Variants in ITGB4 observed in about 807,000 individuals in gnomAD.
ITGB4 encodes the protein integrin subunit beta 4, also known as integrin beta-4.
Under a neutral mutation model 207.6 loss-of-function variants are expected in ITGB4, and 159 were observed. The ratio of observed to expected loss-of-function variants is 0.77; its 90% confidence interval spans 0.67 to 0.87. The LOEUF (loss-of-function observed/expected upper bound fraction) is 0.87, where lower values mean the gene tolerates loss of function less well. ITGB4 is among the 40% of genes least tolerant of loss of function. The pLI is 0.00. For missense variants in ITGB4, 2,278 were observed against 2,546.8 expected (o/e 0.89, Z 2.27); for synonymous variants, 1,020 against 1,062.7 (o/e 0.96, Z 0.78).
chr17:75,740,709 C>A lies in ITGB4; in HGVS notation c.2551-84C>A. The A allele has an allele frequency of 1.4e-6, 2 of 1,461,012 alleles. No homozygotes were observed. Among genetic ancestry groups the A allele is most frequent in the Non-Finnish European group, 1.9e-6 (2 of 1,043,790 alleles). 90.5% of individuals were successfully genotyped at this position (1,461,012 alleles called of 1,614,324 possible). ...CCCTGAGGATCTCTGGGTACAGAGG[C>A]TGCCTGGCTCCCTGGGTCCCCAGCC... is the stretch of plus-strand genomic sequence containing the variant. On this transcript the variant is annotated intron_variant, in intron 21 of 39. Transcript: ENST00000200181. This position sits in a 1 kb window ranked among gnomAD's most constrained non-coding sequence, Gnocchi z 5.9.
chr17:75,725,878 G>A (rs1244302772), intron 2 of ITGB4, among the ~76,000 whole-genome samples: 1 of 152,244 alleles, frequency 6.6e-6, no homozygotes, highest in Admixed American at 6.5e-5. Flanking sequence ...ATGTGGCAGT[G>A]GTCTCGCCGT....
intron 18 of ITGB4, among the ~76,000 whole-genome samples, chr17:75,738,351 C>T (rs1020547040): frequency 1.3e-5 from 2 of 152,182 alleles, no homozygotes; most frequent in Admixed American, 6.5e-5. Flanking sequence ...CTCAGTGTTC[C>T]TCTTTGTGCT....
chr17:75,752,333 C>T lies in ITGB4; in HGVS notation c.3953C>T (p.Thr1318Ile), dbSNP rs1358940335. 4.3e-6 allele frequency: 7 copies of T among 1,612,696 alleles called. No homozygotes were observed. Among genetic ancestry groups the T allele is most frequent in the Non-Finnish European group, 5.9e-6 (7 of 1,179,812 alleles). Residue 1318 changes from threonine to isoleucine, a missense_variant, in exon 31 of 40, where the codon ACC becomes ATC. Thr to Ile is a moderately conservative substitution (Grantham distance 89, BLOSUM62 -1). Transcript: ENST00000200181. ...CGGGAGGCCATCATCAACCTGGCCA[C>T]CCAGCCCAAGAGGCCCATGTCCAGT... Reference protein sequence around the residue: ...PEREAIINLATQPKRPMSIPI... With the variant: ...PEREAIINLAIQPKRPMSIPI...
intron 33 of ITGB4, 25 bp from the exon 34 acceptor site, chr17:75,754,551 A>G (rs777015622): frequency 6.2e-7 from 1 of 1,612,996 alleles, no homozygotes; most frequent in Non-Finnish European, 8.5e-7. Flanking sequence ...AGGCCTGACC[A>G]AGGGACCCTG....
At chr17:75,736,726 G>A (rs371191346) in intron 16 of ITGB4, 32 bp downstream of exon 16, 46 of 1,580,714 alleles carry the variant, frequency 2.9e-5, no homozygotes, top group Non-Finnish European at 3.8e-5. Context: ...TGGGGTTGCT[G>A]AGAGCCTAGG....
rs1396817390 is a variant in ITGB4, at chr17:75,740,549, C to T, written c.2550+88C>T. Reference sequence around the variant, plus strand: ...GGCAGAGCGAATGCGGTCGTGGTACCGAGATTCATTAACTAGGGGAGAGGG... The same window carrying T: ...GGCAGAGCGAATGCGGTCGTGGTACTGAGATTCATTAACTAGGGGAGAGGG... On this transcript the variant is annotated intron_variant, in intron 21 of 39. Transcript: ENST00000200181. The surrounding 1 kb of genome is among the most constrained non-coding windows in gnomAD (Gnocchi z 5.9). The T allele has an allele frequency of 5.3e-5, 62 of 1,162,458 alleles. No individual in the cohort carries two copies. Among genetic ancestry groups the T allele is most frequent in the Admixed American group, 7.4e-5 (4 of 54,244 alleles). 72.0% of individuals were successfully genotyped at this position (1,162,458 alleles called of 1,614,324 possible).
chr17:75,738,242 G>A (rs2061026433), intron 18 of ITGB4, among the ~76,000 whole-genome samples: 1 of 150,220 alleles, frequency 6.7e-6, no homozygotes, highest in African/African-American at 2.5e-5. Context: ...AGCTTCCGGA[G>A]TGACAGTAAT....
In ITGB4 at chr17:75,727,644, G is replaced by A. The variant is rs769490746; in HGVS notation, c.265-7G>A. 7 of 1,600,448 alleles carry A rather than the reference G, an allele frequency of 4.4e-6. No individual in the cohort carries two copies. Among genetic ancestry groups the A allele is most frequent in the South Asian group, 2.2e-5 (2 of 89,610 alleles). On this transcript the variant is annotated splice_polypyrimidine_tract_variant and splice_region_variant and intron_variant, in intron 4 of 39. Transcript: ENST00000200181. This position sits in a 1 kb window ranked among gnomAD's most constrained non-coding sequence, Gnocchi z 6.0. ...TCTAGCCAGCTGTCCCCTTCCACTGGCTGCAGGAGACCCAGATTGACACCA... is the reference window on the plus strand; with the variant it reads ...TCTAGCCAGCTGTCCCCTTCCACTGACTGCAGGAGACCCAGATTGACACCA...
rs139146525 is a variant in ITGB4, at chr17:75,743,807, C to T, written c.3057C>T (p.Gly1019=). The T allele has an allele frequency of 1.3e-4, 214 of 1,611,618 alleles. 1 individual carries two copies. The highest frequency in any genetic ancestry group is 4.5e-4 in the Admixed American group (27 of 59,730). The stretch of plus-strand genomic sequence containing the variant: ...CTGTCATCCGGCGTGTCCTGGACGG[C>T]GGGAAGTCCCAGGTCTCCTACCGCA... ...RIPVIRRVLD[G]GKSQVSYRTQ... is the part of the protein sequence containing the mutation. The change falls in exon 26 of 40, where the codon GGC becomes GGT. Residue 1019 remains glycine, a synonymous_variant. Coordinates refer to ENST00000200181, the MANE Select transcript of ITGB4 (RefSeq NM_000213.5).
intron 13 of ITGB4, among the ~76,000 whole-genome samples, 155 bp downstream of exon 13, chr17:75,733,847 CT>C (rs1421008070): frequency 6.6e-6 from 1 of 152,230 alleles, no homozygotes; most frequent in African/African-American, 2.4e-5. Context: ...AGGGCCGCCC[CT>C]GAGTCCTGCC....
chr17:75,725,065 G>A (rs559283968), intron 2 of ITGB4, among the ~76,000 whole-genome samples: 1 of 152,304 alleles, frequency 6.6e-6, no homozygotes, highest in East Asian at 1.9e-4. Context: ...ATGCACTGAG[G>A]CCCCAGAGGT....
rs758783905 is a variant in ITGB4 at position 75,730,348 on chromosome 17, C to T, written c.846C>T (p.Ser282=). The T allele has an allele frequency of 3.1e-6, 5 of 1,613,734 alleles. No individual in the cohort carries two copies. The African/African-American group carries it at 6.7e-5, about 22-fold the overall frequency. Residue 282 remains serine, a synonymous_variant, in exon 8 of 40, where the codon AGC becomes AGT. Coordinates refer to ENST00000200181, the MANE Select transcript of ITGB4 (RefSeq NM_000213.5). ...DGANVLAGIM[S]RNDERCHLDT... is the part of the protein sequence containing the mutation. ...CCAACGTGCTGGCTGGCATCATGAGCCGCAACGATGAACGGTGCCACCTGG... is the reference window on the plus strand; with the variant it reads ...CCAACGTGCTGGCTGGCATCATGAGTCGCAACGATGAACGGTGCCACCTGG...
rs541620849 is a variant in ITGB4, at chr17:75,730,151, T to G, written c.739-90T>G. On this transcript the variant is annotated intron_variant, in intron 7 of 39. Coordinates refer to ENST00000200181, the MANE Select transcript of ITGB4 (RefSeq NM_000213.5). The stretch of plus-strand genomic sequence containing the variant: ...CAGTGGCTTAAGCCCAGCCCCATGT[T>G]GGGACCCGCGTTCCCCGTCCTACAC... 4.3e-5 allele frequency: 68 copies of G among 1,565,448 alleles called. 1 individual carries two copies. The African/African-American group carries it at 8.6e-4, about 20-fold the overall frequency.
At position 75,757,292 on chromosome 17, in the gene ITGB4, A is replaced by G. The variant is rs774753281; in HGVS notation, c.5311A>G (p.Thr1771Ala). 1 of 1,612,020 alleles carries G rather than the reference A, an allele frequency of 6.2e-7. No homozygotes were observed. The highest frequency in any genetic ancestry group is 2.2e-5 in the East Asian group (1 of 44,870). Residue 1771 changes from threonine to alanine, a missense_variant, in exon 39 of 40, where the codon ACC becomes GCC. Transcript: ENST00000200181. ...CATCACCACCACCCACACCAGCGCC[A>G]CCGAGCCCTTCCTAGTGGGTGAGCA... ...SSITTTHTSA[T>A]EPFLVDGLTL... is the part of the protein sequence containing the mutation.
intron 30 of ITGB4, 67 bp from the exon 31 acceptor site, chr17:75,752,107 T>G (rs2061379821): frequency 1.3e-6 from 2 of 1,528,290 alleles, no homozygotes; most frequent in Non-Finnish European, 1.8e-6. Context: ...CGTCCTGCTG[T>G]GTCAGGGGTG....
In ITGB4 at chr17:75,737,241, A is replaced by AG; in HGVS notation, c.1991-77dup. On this transcript the variant is annotated intron_variant, in intron 16 of 39. Coordinates refer to ENST00000200181, the MANE Select transcript of ITGB4 (RefSeq NM_000213.5). ...CCGTGGGTGAGGCAGATCGCAGAGT[A>AG]GGGGCCCCCTCACCAGACCCTGGGT... 5 of 1,527,974 alleles carry AG rather than the reference A, an allele frequency of 3.3e-6. No homozygotes were observed. The South Asian group carries it at 6.0e-5, about 18-fold the overall frequency. 94.7% of individuals were successfully genotyped at this position (1,527,974 alleles called of 1,614,324 possible).
In ITGB4 at chr17:75,750,049, T is replaced by C. The variant is rs564541709; in HGVS notation, c.3317-62T>C. On this transcript the variant is annotated intron_variant, in intron 27 of 39. Coordinates refer to ENST00000200181, the MANE Select transcript of ITGB4 (RefSeq NM_000213.5). This position sits in a 1 kb window ranked among gnomAD's most constrained non-coding sequence, Gnocchi z 5.5. ...CGCCCTGGGTGTTGAAGTGGGTCTCTGGCGCCCCCTGGTGGTGAAGGGGGA... is the reference window on the plus strand; with the variant it reads ...CGCCCTGGGTGTTGAAGTGGGTCTCCGGCGCCCCCTGGTGGTGAAGGGGGA... 1.5e-4 allele frequency: 233 copies of C among 1,605,302 alleles called. No individual in the cohort carries two copies. Among genetic ancestry groups the C allele is most frequent in the Admixed American group, 1.4e-3 (83 of 59,996 alleles).
In ITGB4 at chr17:75,757,741, A is replaced by G. The variant is rs2061555084; in HGVS notation, c.*186A>G. ...GTCCGTCCTCTGTGGGCCCAAACCTATTTGTAACCAAAGAGCTGGGAGCAG... is the reference window on the plus strand; with the variant it reads ...GTCCGTCCTCTGTGGGCCCAAACCTGTTTGTAACCAAAGAGCTGGGAGCAG... On this transcript the variant is annotated 3_prime_UTR_variant, in exon 40 of 40. Transcript: ENST00000200181. 2.6e-6 allele frequency: 2 copies of G among 773,672 alleles called. No individual in the cohort carries two copies. Among genetic ancestry groups the G allele is most frequent in the East Asian group, 5.4e-5 (2 of 37,376 alleles). The allele number at this position is 773,672 out of a possible 1,614,324, so 47.9% of individuals were successfully genotyped here. A position where few individuals can be genotyped will look rare whatever the true frequency, so the allele number is the denominator to read the frequency against.
At position 75,736,707 on chromosome 17, in the gene ITGB4, G is replaced by C; in HGVS notation, c.1990+13G>C. The C allele has an allele frequency of 6.3e-7, 1 of 1,589,046 alleles. No individual in the cohort carries two copies. The highest frequency in any genetic ancestry group is 8.6e-7 in the Non-Finnish European group (1 of 1,169,158). ...GAGCTTAAGAGAGGTAGGGGCAGGGGCTGAGGGTTGGGGTTGCTGAGAGCC... is the reference window on the plus strand; with the variant it reads ...GAGCTTAAGAGAGGTAGGGGCAGGGCCTGAGGGTTGGGGTTGCTGAGAGCC... On this transcript the variant is annotated intron_variant, in intron 16 of 39. Coordinates refer to ENST00000200181, the MANE Select transcript of ITGB4 (RefSeq NM_000213.5).
Sources: allele counts gnomAD v4.1 joint callset (sites outside exome capture counted in the v4.1 genomes callset), GRCh38; gene constraint gnomAD v4.1.1; non-coding constraint Gnocchi (gnomAD v3.1); transcripts MANE v1.5; gene names NCBI Gene and HGNC (gene_info 2026-07-23, HGNC 2026-07-21).